Variants in SYNE1 observed in about 807,000 individuals in gnomAD.
The protein encoded by SYNE1 is nesprin-1.
Under a neutral mutation model 1,111.0 loss-of-function variants are expected in SYNE1, and 616 were observed. The observed-to-expected ratio is 0.55, with a 90% confidence interval of 0.52 to 0.59. SYNE1 has a LOEUF of 0.59. Among genes scored for constraint, SYNE1 ranks in the 20% least tolerant of loss-of-function variants. The pLI, the probability that SYNE1 is intolerant of heterozygous loss-of-function variation, is 0.00. For synonymous variants in SYNE1, 3,855 were observed against 3,825.8 expected (o/e 1.01, Z -0.28); for missense variants, 10,006 against 10,417.0 (o/e 0.96, Z 1.72).
intron 143 of SYNE1, 111 bp downstream of exon 143, chr6:152,133,165 C>T: frequency 9.6e-7 from 1 of 1,039,308 alleles, no homozygotes; most frequent in Non-Finnish European, 1.5e-6. Context: ...TGAAAGGAGA[C>T]ACTCCATTCT....
rs569785865 is a variant in SYNE1 at position 152,220,802 on chromosome 6, G to C, written c.21861+40C>G. 17 of 1,584,758 alleles carry C rather than the reference G, an allele frequency of 1.1e-5. No individual in the cohort carries two copies. In the Middle Eastern group the frequency reaches 1.7e-3, roughly 159 times the overall value. On this transcript the variant is annotated intron_variant, in intron 119 of 145. Transcript: ENST00000367255. ...CAAAAGCTAAACTTGGGCAGTCTAA[G>C]AAGGGCATGTGGGGAAAACAAGGTA...
At chr6:152,471,822 C>T (rs2098807144) in intron 15 of SYNE1, 57 bp from the exon 16 acceptor site, 3 of 1,524,844 alleles carry the variant, frequency 2.0e-6, no homozygotes, top group East Asian at 4.5e-5. Context: ...AGAACTGATG[C>T]TTACTTAACC....
intron 104 of SYNE1, among the ~76,000 whole-genome samples, chr6:152,250,469 T>A (rs1291835990): frequency 1.3e-5 from 2 of 152,050 alleles, no homozygotes; most frequent in East Asian, 1.9e-4. Flanking sequence ...AAAACATCTA[T>A]AAGAACATGT....
At chr6:152,502,492 C>A in intron 10 of SYNE1, 141 bp downstream of exon 10, 2 of 723,830 alleles carry the variant, frequency 2.8e-6, no homozygotes, top group Non-Finnish European at 5.0e-6. Context: ...AATCATCACC[C>A]CATTTGGTGA....
rs556149155 is a variant in SYNE1 at position 152,212,681 on chromosome 6, G to A, written c.22494+931C>T. On this transcript the variant is annotated intron_variant, in intron 123 of 145. Coordinates refer to ENST00000367255, the MANE Select transcript of SYNE1 (RefSeq NM_182961.4). ...TTTCTGGGTTATATGATTACTCTAC[G>A]TAACTCTATATGGTAACTCTATGTT... Among the ~76,000 whole-genome samples, 8 of 152,108 alleles carry A rather than the reference G, an allele frequency of 5.3e-5. No homozygotes were observed. In the South Asian group the frequency reaches 1.5e-3, roughly 28 times the overall value.
chr6:152,439,260 G>C (rs1479172310), intron 32 of SYNE1, among the ~76,000 whole-genome samples: 1 of 152,154 alleles, frequency 6.6e-6, no homozygotes, highest in Non-Finnish European at 1.5e-5. Flanking sequence ...TGATCCAAAG[G>C]AATTAGTGCA....
intron 126 of SYNE1, among the ~76,000 whole-genome samples, chr6:152,205,416 A>G (rs963605153): frequency 4.6e-5 from 7 of 152,210 alleles, no homozygotes; most frequent in African/African-American, 1.2e-4. Flanking sequence ...CAATGGCCAC[A>G]TGGAGGTGGT....
At chr6:152,343,156 CTTT>C (rs11297257) in intron 74 of SYNE1, among the ~76,000 whole-genome samples, 12 of 133,868 alleles carry the variant, frequency 9.0e-5, no homozygotes, top group African/African-American at 1.1e-4. Flanking sequence ...GTTTTCTTTT[CTTT>C]TTTTTTTTTT....
intron 130 of SYNE1, among the ~76,000 whole-genome samples, chr6:152,165,695 C>T (rs913468675): frequency 6.6e-6 from 1 of 152,148 alleles, no homozygotes; most frequent in African/African-American, 2.4e-5. Flanking sequence ...TTTATAAATA[C>T]AAATTGTACC....
intron 39 of SYNE1, 100 bp downstream of exon 39, chr6:152,425,276 TAGTTG>T (rs2098334781): frequency 8.4e-7 from 1 of 1,194,008 alleles, no homozygotes; most frequent in Non-Finnish European, 1.2e-6. Flanking sequence ...ATCAGGTGAG[TAGTTG>T]AGTTAAATAA....
chr6:152,371,273 G>C (rs9397505), intron 59 of SYNE1, among the ~76,000 whole-genome samples: 19,473 of 151,720 alleles, frequency 0.13, 1,705 homozygotes, highest in African/African-American at 0.25. Context: ...CCATGTTGCT[G>C]TTCTCATGAT....
At chr6:152,450,519 C>T (rs1447470647) in intron 27 of SYNE1, 106 bp downstream of exon 27, 5 of 1,095,348 alleles carry the variant, frequency 4.6e-6, no homozygotes, top group Non-Finnish European at 6.9e-6. Flanking sequence ...TGTACGAGAA[C>T]ATGAGCAAGA....
intron 5 of SYNE1, among the ~76,000 whole-genome samples, chr6:152,524,592 T>A (rs2099154883): frequency 6.6e-6 from 1 of 152,024 alleles, no homozygotes; most frequent in African/African-American, 2.4e-5. Flanking sequence ...CATTCCAAAT[T>A]GCCTGTTCAT....
At chr6:152,488,966 A>G (rs2098955862) in intron 11 of SYNE1, among the ~76,000 whole-genome samples, 1 of 152,164 alleles carries the variant, frequency 6.6e-6, no homozygotes, top group Non-Finnish European at 1.5e-5. Flanking sequence ...ATTTAAACTG[A>G]TATTAGGTAT....
Position 152,132,123 on chromosome 6 carries a change from G to A in SYNE1, c.26093C>T (p.Thr8698Met), listed in dbSNP as rs139560053. 84 of 1,613,836 alleles carry A rather than the reference G, an allele frequency of 5.2e-5. No individual in the cohort carries two copies. The highest frequency in any genetic ancestry group is 3.1e-4 in the East Asian group (14 of 44,878). ...SGRSTPNRQK[T>M]PRGKCSLSQP... ...TGAAAACGACCAGTGGAAAGTTACC[G>A]TTTTCTGTCTGTTTGGGGTGCTCCT... The change falls in exon 144 of 146, where the codon ACG becomes ATG. Residue 8698 changes from threonine to methionine, a missense_variant and splice_region_variant. Coordinates refer to ENST00000367255, the MANE Select transcript of SYNE1 (RefSeq NM_182961.4).
intron 12 of SYNE1, 22 bp from the exon 13 acceptor site, chr6:152,484,994 C>A: frequency 6.2e-7 from 1 of 1,607,210 alleles, no homozygotes; most frequent in Non-Finnish European, 8.5e-7. Context: ...AAAACAGCAA[C>A]AGTATGGCAA....
chr6:152,281,992 A>G lies in SYNE1; in HGVS notation c.18208-12T>C. 1 of 1,613,098 alleles carries G rather than the reference A, an allele frequency of 6.2e-7. No homozygotes were observed. The highest frequency in any genetic ancestry group is 1.3e-5 in the African/African-American group (1 of 75,054). The stretch of plus-strand genomic sequence containing the variant: ...TCATTCAACTTCTCCTGTTGAATTC[A>G]GTAGAAGGTAATATAGATCACGCTA... On this transcript the variant is annotated splice_polypyrimidine_tract_variant and intron_variant, in intron 96 of 145. Coordinates refer to ENST00000367255, the MANE Select transcript of SYNE1 (RefSeq NM_182961.4).
At chr6:152,207,662 T>C (rs1221107603) in intron 125 of SYNE1, among the ~76,000 whole-genome samples, 1 of 152,226 alleles carries the variant, frequency 6.6e-6, no homozygotes, top group African/African-American at 2.4e-5. Context: ...GAATAAAATG[T>C]ATGCAAGCAA....
At chr6:152,301,284 T>A (rs1365429594) in intron 92 of SYNE1, among the ~76,000 whole-genome samples, 1 of 152,212 alleles carries the variant, frequency 6.6e-6, no homozygotes, top group Non-Finnish European at 1.5e-5. Flanking sequence ...AACATTATAG[T>A]CACCAAAATA....
Sources: gnomAD v4.1 joint callset for allele counts (sites outside exome capture counted in the v4.1 genomes callset) on GRCh38, gnomAD v4.1.1 for gene constraint, MANE v1.5 for transcripts, NCBI Gene and HGNC (gene_info 2026-07-23, HGNC 2026-07-21) for gene names.